The following CSTF2 variants were observed in gnomAD, a reference collection of about 807,000 sequenced individuals.
The protein encoded by CSTF2 is cleavage stimulation factor subunit 2.
In CSTF2, 8 loss-of-function variants were observed where a neutral mutation model predicts 45.4. The observed-to-expected ratio is 0.18, with a 90% CI of 0.10 to 0.32. The LOEUF is 0.32. Among genes scored for constraint, CSTF2 ranks in the 10% least tolerant of loss-of-function variants. CSTF2 has a pLI of 1.00. For synonymous variants in CSTF2, 155 were observed against 158.9 expected (o/e 0.98, Z 0.18); for missense variants, 253 against 477.1 (o/e 0.53, Z 4.38).
chrX:100,823,776 C>G (rs1352808589), intron 4 of CSTF2, 110 bp from the exon 5 acceptor site: 2 of 923,416 alleles, frequency 2.2e-6, no homozygotes, highest in Non-Finnish European at 3.0e-6. Flanking sequence ...CATGCAAAAA[C>G]TAATGATAAA....
intron 11 of CSTF2, among the ~76,000 whole-genome samples, chrX:100,835,016 C>T (rs1386448503): frequency 9.0e-6 from 1 of 111,127 alleles, no homozygotes; most frequent in Non-Finnish European, 1.9e-5. Context: ...AGAGAAAATA[C>T]AAATTTTATC....
intron 12 of CSTF2, 150 bp downstream of exon 12, chrX:100,837,599 C>A (rs999938664): frequency 5.0e-6 from 2 of 402,031 alleles, no homozygotes; most frequent in Non-Finnish European, 8.6e-6. Context: ...GATCTTGTTA[C>A]CTGAAAATTT....
intron 7 of CSTF2, among the ~76,000 whole-genome samples, chrX:100,827,462 T>G (rs186314411): frequency 2.9e-4 from 33 of 112,155 alleles, no homozygotes; most frequent in African/African-American, 1.0e-3. Context: ...TACCAATATT[T>G]AAAGTTTTTT....
chrX:100,830,813 C>T, intron 8 of CSTF2: 1 of 1,153,508 alleles, frequency 8.7e-7, no homozygotes, highest in Admixed American at 2.6e-5. Context: ...CCTAGGAACC[C>T]TACAGCACTC....
At chrX:100,832,305 C>T (rs1318990942) in intron 9 of CSTF2, among the ~76,000 whole-genome samples, 1 of 112,207 alleles carries the variant, frequency 8.9e-6, no homozygotes, top group Non-Finnish European at 1.9e-5. Flanking sequence ...GAGTACTTTA[C>T]TTAGATCATC....
chrX:100,837,645 G>T (rs2085016788), intron 12 of CSTF2, among the ~76,000 whole-genome samples, 196 bp downstream of exon 12: 1 of 112,271 alleles, frequency 8.9e-6, no homozygotes, highest in African/African-American at 3.2e-5. Context: ...TGGATGTGAA[G>T]TTCTTAAGTG....
intron 6 of CSTF2, among the ~76,000 whole-genome samples, chrX:100,825,023 G>A (rs780078630): frequency 8.9e-5 from 10 of 112,542 alleles, no homozygotes; most frequent in African/African-American, 2.9e-4. Flanking sequence ...AGTGACATAC[G>A]GACATGAAAC....
At chrX:100,830,150 T>TC (rs1427910435) in intron 8 of CSTF2, among the ~76,000 whole-genome samples, 1 of 112,239 alleles carries the variant, frequency 8.9e-6, no homozygotes, top group African/African-American at 3.2e-5. Flanking sequence ...TAGTGTCGGT[T>TC]CCCATGTCAT....
Position 100,823,366 on chromosome X carries a change from A to G in CSTF2, c.382A>G (p.Ile128Val). Reference protein sequence around the residue: ...TISPEDAPESISKAVASLPPE... With the variant: ...TISPEDAPESVSKAVASLPPE... ...CAGTCCTGAGGATGCCCCTGAGTCC[A>G]TTAGCAAAGCAGTTGCCAGCCTTCC... is the stretch of plus-strand genomic sequence containing the variant. The change falls in exon 4 of 14, where the codon ATT becomes GTT. Residue 128 changes from isoleucine (I) to valine (V), a missense_variant. By Grantham distance (29) the Ile-to-Val change is conservative. This residue lies in a region of CSTF2 where 45 missense variants were observed against 147.5 expected (regional missense o/e 0.31). Transcript: ENST00000372972. The G allele has an allele frequency of 8.2e-7, 1 of 1,212,240 alleles. No homozygotes were observed. The highest frequency in any genetic ancestry group is 1.1e-6 in the Non-Finnish European group (1 of 895,531).
At chrX:100,829,183 G>A (rs1328304593) in intron 8 of CSTF2, among the ~76,000 whole-genome samples, 2 of 111,899 alleles carry the variant, frequency 1.8e-5, no homozygotes, top group East Asian at 5.6e-4. Context: ...TTTATAAGTG[G>A]AACCCATTTA....
At position 100,841,296 on chromosome X, in the gene CSTF2, A is replaced by G. The variant is rs1252271055; in HGVS notation, c.*586A>G. On this transcript the variant is annotated 3_prime_UTR_variant, in exon 14 of 14. Transcript: ENST00000372972. ...TGTGTGTTTAGTTTAGAAAAATCCA[A>G]ATATCAAAATGCATTTGTTTCAATA... 8.9e-6 allele frequency among the ~76,000 whole-genome samples: 1 copy of G among 112,514 alleles called. No homozygotes were observed. The highest frequency in any genetic ancestry group is 3.7e-4 in the South Asian group (1 of 2,724).
intron 13 of CSTF2, 113 bp downstream of exon 13, chrX:100,838,477 C>A: frequency 1.5e-6 from 1 of 684,341 alleles, no homozygotes; most frequent in Non-Finnish European, 2.0e-6. Flanking sequence ...ATCCACTCAG[C>A]TAGACTCTTC....
intron 3 of CSTF2, chrX:100,822,628 G>T: frequency 2.4e-6 from 1 of 415,802 alleles, no homozygotes; most frequent in Non-Finnish European, 4.1e-6. Flanking sequence ...GTAATTGTCT[G>T]AAATTTCTAT....
At chrX:100,826,880 T>C (rs1043191289) in intron 7 of CSTF2, 123 bp downstream of exon 7, 23 of 656,060 alleles carry the variant, frequency 3.5e-5, no homozygotes, top group Middle Eastern at 1.0e-3. Flanking sequence ...CTAGAAAGTA[T>C]ATATCTTAGG....
intron 3 of CSTF2, chrX:100,822,892 T>A (rs1201639792): frequency 2.9e-5 from 4 of 139,491 alleles, no homozygotes; most frequent in African/African-American, 1.3e-4. Context: ...TTATTTCCAG[T>A]TAAAGATGAA....
chrX:100,826,291 CTT>C (rs771545462), intron 6 of CSTF2, among the ~76,000 whole-genome samples: 9 of 67,957 alleles, frequency 1.3e-4, no homozygotes, highest in Non-Finnish European at 1.7e-4. Flanking sequence ...GGGTTTAGGG[CTT>C]TTTTTTTTTT....
At chrX:100,831,680 C>A (rs758358144) in intron 9 of CSTF2, 24 bp downstream of exon 9, 2 of 1,202,804 alleles carry the variant, frequency 1.7e-6, no homozygotes, top group Non-Finnish European at 2.3e-6. Context: ...TAGAAGGAAA[C>A]AGTTGAAGAA....
At chrX:100,827,649 G>T (rs1300082241) in intron 7 of CSTF2, among the ~76,000 whole-genome samples, 1 of 111,822 alleles carries the variant, frequency 8.9e-6, no homozygotes. Flanking sequence ...TGCAAACTCA[G>T]GAATTTTTTG....
intron 11 of CSTF2, among the ~76,000 whole-genome samples, chrX:100,835,243 T>C (rs2085000749): frequency 2.0e-5 from 2 of 97,564 alleles, no homozygotes; most frequent in Admixed American, 2.3e-4. Context: ...GCCACTGCAC[T>C]CCAGCCTGGG....
Sources: allele counts gnomAD v4.1 joint callset (sites outside exome capture counted in the v4.1 genomes callset), GRCh38; gene constraint gnomAD v4.1.1; regional missense constraint gnomAD v4.1.1; transcripts MANE v1.5; gene names NCBI Gene and HGNC (gene_info 2026-07-23, HGNC 2026-07-21).